PPARG: variants seen among roughly 807,000 people sequenced by gnomAD.
PPARG encodes peroxisome proliferator activated receptor gamma.
A neutral mutation model predicts 39.2 loss-of-function variants in PPARG; 17 were observed. The observed-to-expected ratio is 0.43, with a 90% CI of 0.30 to 0.65. The LOEUF is 0.65. Ranked by LOEUF, PPARG falls within the 30% of genes least tolerant of loss-of-function variation. The pLI is 0.13. For synonymous variants in PPARG, 223 were observed against 215.7 expected, an observed-to-expected ratio of 1.03 and a Z score of -0.30; for missense variants, 406 against 585.9, an observed-to-expected ratio of 0.69 and a Z score of 3.17.
chr3:12,388,735 G>T (rs1210587913), intron 4 of PPARG, among the ~76,000 whole-genome samples: 1 of 152,160 alleles, frequency 6.6e-6, no homozygotes, highest in Non-Finnish European at 1.5e-5. Flanking sequence ...AATTGGGATT[G>T]CCTGATACAG....
rs1331666025 is a variant in PPARG, at chr3:12,345,628, G to C, written c.-9+33175G>C. Among the ~76,000 whole-genome samples, 6 of 152,122 alleles carry C rather than the reference G, an allele frequency of 3.9e-5. No homozygotes were observed. The East Asian group carries it at 1.2e-3, about 29-fold the overall frequency. ...TTGGGCAAATCATTTCATTCCTCTG[G>C]AACCCATTTTCCTTATATCAAAAAT... On this transcript the variant is annotated intron_variant, in intron 2 of 7. Transcript: ENST00000651735.
At chr3:12,425,427 CT>C (rs758660886) in intron 7 of PPARG, among the ~76,000 whole-genome samples, 7 of 152,172 alleles carry the variant, frequency 4.6e-5, no homozygotes, top group Non-Finnish European at 7.3e-5. Context: ...CCTTCATGTG[CT>C]GTTGCCATTT....
chr3:12,421,244 C>T (rs2051249619), intron 7 of PPARG, among the ~76,000 whole-genome samples: 1 of 152,224 alleles, frequency 6.6e-6, no homozygotes, highest in Admixed American at 6.5e-5. Flanking sequence ...TCTCTATTCA[C>T]TATATCCCTA....
At chr3:12,348,622 T>G (rs933274053) in intron 2 of PPARG, among the ~76,000 whole-genome samples, 1 of 152,168 alleles carries the variant, frequency 6.6e-6, no homozygotes, top group Non-Finnish European at 1.5e-5. Flanking sequence ...GAGATGGCCC[T>G]CTTCTCAACC....
intron 1 of PPARG, among the ~76,000 whole-genome samples, chr3:12,298,880 G>T (rs2046859585): frequency 6.6e-6 from 1 of 152,122 alleles, no homozygotes; most frequent in Non-Finnish European, 1.5e-5. Context: ...CTGTCACCCA[G>T]GCTGGAGTGC....
intron 2 of PPARG, among the ~76,000 whole-genome samples, chr3:12,375,353 A>G (rs181607769): frequency 1.3e-3 from 198 of 152,326 alleles, no homozygotes; most frequent in Non-Finnish European, 2.1e-3. Context: ...TTAAACCAGT[A>G]AAATCATGAG....
At chr3:12,330,750 G>T (rs191001810) in intron 2 of PPARG, among the ~76,000 whole-genome samples, 292 of 152,256 alleles carry the variant, frequency 1.9e-3, no homozygotes, top group African/African-American at 6.7e-3. Flanking sequence ...CATTTAACAA[G>T]CTCACATTTA....
At chr3:12,356,875 C>T (rs188672873) in intron 2 of PPARG, among the ~76,000 whole-genome samples, 4 of 152,134 alleles carry the variant, frequency 2.6e-5, no homozygotes, top group African/African-American at 9.7e-5. Context: ...CTTGAAATGC[C>T]TTTCCTAATT....
intron 2 of PPARG, among the ~76,000 whole-genome samples, chr3:12,350,424 CCAGATATA>C (rs1385170048): frequency 2.6e-5 from 4 of 152,082 alleles, no homozygotes; most frequent in Non-Finnish European, 5.9e-5. Context: ...TGGAGATTAA[CCAGATATA>C]TATTTATTTT....
chr3:12,417,277 A>T (rs1409260402), intron 7 of PPARG, 123 bp downstream of exon 7: 9 of 992,442 alleles, frequency 9.1e-6, no homozygotes, highest in Non-Finnish European at 1.4e-5. Flanking sequence ...GCATGATGCC[A>T]TGAATCATCA....
intron 2 of PPARG, among the ~76,000 whole-genome samples, chr3:12,358,827 AT>A (rs2048746454): frequency 6.6e-6 from 1 of 152,218 alleles, no homozygotes; most frequent in Non-Finnish European, 1.5e-5. Flanking sequence ...ATTTTCAGGT[AT>A]ATGCCATATA....
At chr3:12,335,332 G>A (rs1296935278) in intron 2 of PPARG, among the ~76,000 whole-genome samples, 4 of 152,168 alleles carry the variant, frequency 2.6e-5, no homozygotes, top group Non-Finnish European at 5.9e-5. Flanking sequence ...TGAATTATTT[G>A]AGGTTTTGTT....
At chr3:12,386,596 G>T (rs1303530334) in intron 4 of PPARG, among the ~76,000 whole-genome samples, 2 of 151,746 alleles carry the variant, frequency 1.3e-5, no homozygotes, top group African/African-American at 2.4e-5. Context: ...GGTAAATCTA[G>T]TTCAAAGAAG....
At position 12,291,178 on chromosome 3, in the gene PPARG, G is replaced by A. The variant is rs140067048; in HGVS notation, c.-83+2044G>A. ...TTGGTGAAGTCACTAGTGTGTAAGC[G>A]TAAACATATGCACCCCCCACAACTG... On this transcript the variant is annotated intron_variant, in intron 1 of 7. Transcript: ENST00000651735. Among the ~76,000 whole-genome samples the A allele has an allele frequency of 2.2e-4, 33 of 152,208 alleles. 1 individual carries two copies. The highest frequency in any genetic ancestry group is 3.4e-4 in the African/African-American group (14 of 41,538).
intron 6 of PPARG, among the ~76,000 whole-genome samples, chr3:12,411,782 C>A (rs1175055249): frequency 2.1e-5 from 3 of 140,770 alleles, no homozygotes; most frequent in Non-Finnish European, 4.9e-5. Context: ...ACAACAGGGG[C>A]AGAAACCAAC....
At chr3:12,416,484 A>C (rs186532633) in intron 6 of PPARG, among the ~76,000 whole-genome samples, 121 of 152,372 alleles carry the variant, frequency 7.9e-4, no homozygotes, top group African/African-American at 2.8e-3. Context: ...TGTAAATTGA[A>C]GGGAAAGAAG....
At chr3:12,312,133 A>G (rs1351025255) in intron 1 of PPARG, among the ~76,000 whole-genome samples, 1 of 152,258 alleles carries the variant, frequency 6.6e-6, no homozygotes, top group Non-Finnish European at 1.5e-5. Context: ...TGTTTCTTTT[A>G]TGAAATAATT....
At chr3:12,410,093 CG>C (rs2050825719) in intron 6 of PPARG, among the ~76,000 whole-genome samples, 1 of 152,184 alleles carries the variant, frequency 6.6e-6, no homozygotes, top group South Asian at 2.1e-4. Flanking sequence ...GATATGGAAT[CG>C]TCAGCTATAG....
At chr3:12,300,359 A>C (rs1307372043) in intron 1 of PPARG, among the ~76,000 whole-genome samples, 1 of 152,236 alleles carries the variant, frequency 6.6e-6, no homozygotes, top group Non-Finnish European at 1.5e-5. Flanking sequence ...AAAATGACTC[A>C]GTGATTGAAC....
Sources: gnomAD v4.1 joint callset for allele counts (sites outside exome capture counted in the v4.1 genomes callset) on GRCh38, gnomAD v4.1.1 for gene constraint, MANE v1.5 for transcripts, NCBI Gene and HGNC (gene_info 2026-07-23, HGNC 2026-07-21) for gene names.